The following NUAK1 variants were observed in gnomAD, a reference collection of about 807,000 sequenced individuals.
NUAK1 encodes NUAK family kinase 1.
NUAK1 carries 26 observed loss-of-function variants against 56.9 expected under a neutral mutation model. The observed-to-expected ratio is 0.46, with a 90% CI of 0.33 to 0.63. The LOEUF (loss-of-function observed/expected upper bound fraction) is 0.63, where lower values mean the gene tolerates loss of function less well. NUAK1 is among the 30% of genes least tolerant of loss of function. The pLI, the probability that NUAK1 is intolerant of heterozygous loss-of-function variation, is 0.02. For synonymous variants in NUAK1, 337 were observed against 336.0 expected, an observed-to-expected ratio of 1.00 and a Z score of -0.03; for missense variants, 727 against 876.1, an observed-to-expected ratio of 0.83 and a Z score of 2.15.
chr12:106,068,269 A>G (rs1359357809), intron 6 of NUAK1, among the ~76,000 whole-genome samples: 1 of 152,258 alleles, frequency 6.6e-6, no homozygotes, highest in Admixed American at 6.5e-5. Context: ...AGGTCAGGTA[A>G]CCAAGAAAGA....
At chr12:106,118,356 C>T (rs970306455) in intron 1 of NUAK1, among the ~76,000 whole-genome samples, 1 of 152,218 alleles carries the variant, frequency 6.6e-6, no homozygotes, top group Non-Finnish European at 1.5e-5. Context: ...GCTGCTTCCA[C>T]TGGACCACGC....
chr12:106,081,239 G>A (rs1219504574), intron 4 of NUAK1, among the ~76,000 whole-genome samples: 1 of 136,936 alleles, frequency 7.3e-6, no homozygotes. Flanking sequence ...CTGTGTGATC[G>A]TGGGCATTAT....
intron 2 of NUAK1, among the ~76,000 whole-genome samples, chr12:106,092,187 T>A (rs11832401): frequency 0.056 from 8,559 of 152,116 alleles, 816 homozygotes; most frequent in African/African-American, 0.2. Flanking sequence ...ATATGAGGAA[T>A]ATGAACCAAA....
At chr12:106,111,572 T>C (rs950901878) in intron 1 of NUAK1, among the ~76,000 whole-genome samples, 1 of 151,948 alleles carries the variant, frequency 6.6e-6, no homozygotes, top group East Asian at 1.9e-4. Context: ...GCCTCTCAAA[T>C]AGGAGTCACC....
intron 1 of NUAK1, among the ~76,000 whole-genome samples, chr12:106,124,912 A>C (rs1289865295): frequency 6.6e-6 from 1 of 151,890 alleles, no homozygotes; most frequent in Non-Finnish European, 1.5e-5. Context: ...CAGGAGAATC[A>C]CTTGAACCCG....
chr12:106,072,372 T>C (rs114980003), intron 5 of NUAK1, among the ~76,000 whole-genome samples: 2,279 of 152,354 alleles, frequency 0.015, 62 homozygotes, highest in African/African-American at 0.052. Context: ...AAGATATACA[T>C]ACGTGTGTCA....
chr12:106,078,496 T>C (rs2032484929), intron 4 of NUAK1, among the ~76,000 whole-genome samples: 1 of 152,146 alleles, frequency 6.6e-6, no homozygotes, highest in African/African-American at 2.4e-5. Flanking sequence ...GACGAGGAAA[T>C]GCACTTTCTG....
intron 1 of NUAK1, among the ~76,000 whole-genome samples, chr12:106,123,675 T>C (rs1297717100): frequency 1.3e-5 from 2 of 152,176 alleles, no homozygotes; most frequent in African/African-American, 4.8e-5. Context: ...CGAGGCATTG[T>C]GCTTGGGCTG....
intron 2 of NUAK1, among the ~76,000 whole-genome samples, chr12:106,091,595 T>G (rs2032636808): frequency 1.3e-5 from 2 of 151,916 alleles, no homozygotes; most frequent in South Asian, 4.2e-4. Flanking sequence ...CGGCGATGAA[T>G]AAAACACAAG....
chr12:106,125,198 G>A (rs2033014458), intron 1 of NUAK1, among the ~76,000 whole-genome samples: 1 of 152,134 alleles, frequency 6.6e-6, no homozygotes, highest in Admixed American at 6.5e-5. Flanking sequence ...AACATACCTA[G>A]ACTCATAACA....
rs75958186 is a variant in NUAK1 at position 106,114,383 on chromosome 12, C to T, written c.241-7858G>A. On this transcript the variant is annotated intron_variant, in intron 1 of 6. Transcript: ENST00000261402. Reference sequence around the variant, plus strand: ...AGAGGGACTCGGATAATCACGCCACCGGCTCAGTTTCCTCACCTGCAAATG... The same window carrying T: ...AGAGGGACTCGGATAATCACGCCACTGGCTCAGTTTCCTCACCTGCAAATG... Among the ~76,000 whole-genome samples, 875 of 152,300 alleles carry T rather than the reference C, an allele frequency of 5.7e-3. 3 individuals are homozygous for T. Among genetic ancestry groups the T allele is most frequent in the Middle Eastern group, 0.014 (4 of 294 alleles).
Position 106,067,325 on chromosome 12 carries a change from G to C in NUAK1, c.1463C>G (p.Ser488Trp), listed in dbSNP as rs200489873. Residue 488 changes from serine (S) to tryptophan (W), a missense_variant, in exon 7 of 7, where the codon TCG (serine) becomes TGG (tryptophan). Physicochemically the swap from Ser to Trp is radical, Grantham distance 177 (BLOSUM62 -3). Coordinates refer to ENST00000261402, the MANE Select transcript of NUAK1 (RefSeq NM_014840.3). This position sits in a 1 kb window ranked among gnomAD's most constrained non-coding sequence, Gnocchi z 6.0. ...YYSSPERSES[S>W]ELLDSNDVMG... Reference sequence around the variant, plus strand: ...CACATCATTACTGTCCAACAGCTCCGAAGACTCACTGCGCTCTGGGGAAGA... The same window carrying C: ...CACATCATTACTGTCCAACAGCTCCCAAGACTCACTGCGCTCTGGGGAAGA... 6.2e-7 allele frequency: 1 copy of C among 1,614,170 alleles called. No homozygotes were observed. Among genetic ancestry groups the C allele is most frequent in the Admixed American group, 1.7e-5 (1 of 60,018 alleles).
chr12:106,125,380 C>T (rs2033016567), intron 1 of NUAK1, among the ~76,000 whole-genome samples: 2 of 152,154 alleles, frequency 1.3e-5, no homozygotes, highest in South Asian at 4.1e-4. Context: ...GCTTTAAGTC[C>T]GGCTCCAACA....
At position 106,117,495 on chromosome 12, in the gene NUAK1, G is replaced by A. The variant is rs111574452; in HGVS notation, c.241-10970C>T. On this transcript the variant is annotated intron_variant, in intron 1 of 6. Transcript: ENST00000261402. The stretch of plus-strand genomic sequence containing the variant: ...TGCTGCTGCTTCTCTCTCACACTGC[G>A]TGCCTTACACTCAGTCATCTCCTCC... Among the ~76,000 whole-genome samples the A allele has an allele frequency of 2.8e-3, 426 of 152,266 alleles. 3 individuals carry two copies. The highest frequency in any genetic ancestry group is 9.2e-3 in the African/African-American group (383 of 41,554).
At chr12:106,072,697 C>A in intron 5 of NUAK1, 27 bp downstream of exon 5, 1 of 1,612,734 alleles carries the variant, frequency 6.2e-7, no homozygotes, top group Non-Finnish European at 8.5e-7. Flanking sequence ...CCTCCCCTGC[C>A]CCATACACAT....
intron 1 of NUAK1, among the ~76,000 whole-genome samples, chr12:106,137,215 A>G (rs1383449395): frequency 6.6e-6 from 1 of 152,102 alleles, no homozygotes; most frequent in African/African-American, 2.4e-5. Context: ...TTTTCACAGA[A>G]CTGTTCCTGC....
chr12:106,120,959 T>G (rs890095162), intron 1 of NUAK1, among the ~76,000 whole-genome samples: 3 of 152,190 alleles, frequency 2.0e-5, no homozygotes, highest in African/African-American at 7.2e-5. Context: ...AGCAGTGCAT[T>G]ACAGTGACCT....
chr12:106,133,589 TCTCA>T (rs1363808651), intron 1 of NUAK1, among the ~76,000 whole-genome samples: 1 of 152,210 alleles, frequency 6.6e-6, no homozygotes, highest in Non-Finnish European at 1.5e-5. Context: ...GTAAAATGGG[TCTCA>T]CTATTTTACA....
At chr12:106,131,718 T>C (rs528685798) in intron 1 of NUAK1, among the ~76,000 whole-genome samples, 6 of 152,226 alleles carry the variant, frequency 3.9e-5, no homozygotes, top group African/African-American at 1.4e-4. Flanking sequence ...TGTGGACATA[T>C]GTTTGCATTT....
Sources: allele counts gnomAD v4.1 joint callset (sites outside exome capture counted in the v4.1 genomes callset), GRCh38; gene constraint gnomAD v4.1.1; non-coding constraint Gnocchi (gnomAD v3.1); transcripts MANE v1.5; gene names NCBI Gene and HGNC (gene_info 2026-07-23, HGNC 2026-07-21).